SEMA5A: variants seen among roughly 807,000 people sequenced by gnomAD.
SEMA5A encodes semaphorin 5A.
In SEMA5A, 55 loss-of-function variants were observed where a neutral mutation model predicts 135.5. The observed-to-expected ratio is 0.41, with a 90% CI of 0.33 to 0.51. The LOEUF (loss-of-function observed/expected upper bound fraction) is 0.51. SEMA5A is among the 20% of genes least tolerant of loss of function. The pLI is 0.37. For missense variants in SEMA5A, 1,290 were observed against 1,419.9 expected (o/e 0.91, Z 1.47); for synonymous variants, 580 against 546.5 (o/e 1.06, Z -0.85).
rs745477086 is a variant in SEMA5A at position 9,204,065 on chromosome 5, C to A, written c.647-1825G>T. On this transcript the variant is annotated intron_variant, in intron 8 of 22. Coordinates refer to ENST00000382496, the MANE Select transcript of SEMA5A (RefSeq NM_003966.3). The surrounding 1 kb of genome is among the most constrained non-coding windows in gnomAD (Gnocchi z 6.4). ...AGGCCCCAAAAGCAAAGATACGGAA[C>A]AATTTCAAAACCATGTGTAAAGAAA... 5.9e-5 allele frequency among the ~76,000 whole-genome samples: 9 copies of A among 152,082 alleles called. No homozygotes were observed. The highest frequency in any genetic ancestry group is 2.1e-4 in the South Asian group (1 of 4,826).
Position 9,350,962 on chromosome 5 carries a change from C to A in SEMA5A, c.125-13150G>T. Among the ~76,000 whole-genome samples, 2 of 152,224 alleles carry A rather than the reference C, an allele frequency of 1.3e-5. 1 individual carries two copies. The highest frequency in any genetic ancestry group is 4.1e-4 in the South Asian group (2 of 4,830). Reference sequence around the variant, plus strand: ...TGACAGTGGTACTGGAGACCACCAACTCAAAGCTTCTCCCTCTTGTGATGA... The same window carrying A: ...TGACAGTGGTACTGGAGACCACCAAATCAAAGCTTCTCCCTCTTGTGATGA... On this transcript the variant is annotated intron_variant, in intron 3 of 22. Transcript: ENST00000382496.
chr5:9,513,256 G>A (rs1221014747), intron 1 of SEMA5A, among the ~76,000 whole-genome samples: 4 of 151,626 alleles, frequency 2.6e-5, no homozygotes, highest in African/African-American at 7.3e-5. Flanking sequence ...AATTCATTCC[G>A]ATAATAGTAT....
intron 21 of SEMA5A, 64 bp from the exon 22 acceptor site, chr5:9,044,648 C>G (rs953595652): frequency 7.4e-7 from 1 of 1,359,718 alleles, no homozygotes; most frequent in African/African-American, 1.4e-5. Context: ...CTACTCAAAG[C>G]ACTAGGATGA....
chr5:9,151,213 A>G (rs2150251829), intron 12 of SEMA5A, among the ~76,000 whole-genome samples: 1 of 152,352 alleles, frequency 6.6e-6, no homozygotes, highest in Non-Finnish European at 1.5e-5. Flanking sequence ...TATCATTTAT[A>G]CACATTTTAA....
chr5:9,080,492 T>C (rs896356859), intron 16 of SEMA5A, among the ~76,000 whole-genome samples: 2 of 151,348 alleles, frequency 1.3e-5, no homozygotes, highest in African/African-American at 4.9e-5. Flanking sequence ...TGTATACCTA[T>C]GTAACAAAAC....
intron 3 of SEMA5A, among the ~76,000 whole-genome samples, chr5:9,371,847 G>A (rs954636789): frequency 2.6e-5 from 4 of 152,270 alleles, no homozygotes; most frequent in South Asian, 4.1e-4. Context: ...CTTGGTTTAT[G>A]TAAATTTTAG....
chr5:9,517,793 G>A (rs570768543), intron 1 of SEMA5A: 3 of 152,190 alleles, frequency 2.0e-5, no homozygotes, highest in South Asian at 2.1e-4. Flanking sequence ...CCTTACCAAT[G>A]AGCCGACCCT....
intron 3 of SEMA5A, among the ~76,000 whole-genome samples, chr5:9,355,663 T>C (rs537753585): frequency 5.3e-5 from 8 of 152,154 alleles, no homozygotes; most frequent in African/African-American, 1.9e-4. Flanking sequence ...GTCCTGGAGC[T>C]CAGAGGGGCT....
chr5:9,480,596 A>T (rs1317425464), intron 1 of SEMA5A, among the ~76,000 whole-genome samples: 5 of 152,168 alleles, frequency 3.3e-5, no homozygotes, highest in Admixed American at 3.3e-4. Flanking sequence ...AACCAGGAAA[A>T]TTGTACCTCA....
chr5:9,142,418 G>A (rs1280247124), intron 12 of SEMA5A, among the ~76,000 whole-genome samples: 1 of 152,180 alleles, frequency 6.6e-6, no homozygotes, highest in Non-Finnish European at 1.5e-5. Flanking sequence ...GAAATGGGCA[G>A]AGTCCTTGGG....
chr5:9,360,908 A>G (rs1487243019), intron 3 of SEMA5A, among the ~76,000 whole-genome samples: 2 of 152,246 alleles, frequency 1.3e-5, no homozygotes, highest in Non-Finnish European at 2.9e-5. Flanking sequence ...GTTCTTTAAC[A>G]GCAAAGGATT....
At chr5:9,410,405 C>T (rs532172010) in intron 2 of SEMA5A, among the ~76,000 whole-genome samples, 20 of 152,254 alleles carry the variant, frequency 1.3e-4, no homozygotes, top group East Asian at 3.9e-4. Flanking sequence ...TGTTTTACTG[C>T]GTGACTTCCC....
chr5:9,379,644 T>A (rs1329052191), intron 3 of SEMA5A, among the ~76,000 whole-genome samples, 179 bp downstream of exon 3: 3 of 152,206 alleles, frequency 2.0e-5, no homozygotes, highest in African/African-American at 7.2e-5. Flanking sequence ...GGTAATCAGT[T>A]TCTGGATATG....
At chr5:9,490,264 AGAG>A (rs2126798285) in intron 1 of SEMA5A, among the ~76,000 whole-genome samples, 1 of 152,312 alleles carries the variant, frequency 6.6e-6, no homozygotes, top group African/African-American at 2.4e-5. Context: ...CTAACACAGC[AGAG>A]GAGAAAACCA....
intron 14 of SEMA5A, 45 bp downstream of exon 14, chr5:9,122,611 A>T (rs1235794344): frequency 4.9e-6 from 7 of 1,427,362 alleles, no homozygotes; most frequent in Non-Finnish European, 6.5e-6. Flanking sequence ...CGAGAATCTG[A>T]GTTTAATACA....
At chr5:9,471,976 T>C (rs1209650081) in intron 1 of SEMA5A, among the ~76,000 whole-genome samples, 1 of 152,254 alleles carries the variant, frequency 6.6e-6, no homozygotes, top group African/African-American at 2.4e-5. Flanking sequence ...AGATCTATAA[T>C]GCAAATTATT....
At chr5:9,205,946 G>A (rs1404106266) in intron 8 of SEMA5A, among the ~76,000 whole-genome samples, 4 of 152,168 alleles carry the variant, frequency 2.6e-5, no homozygotes, top group African/African-American at 9.7e-5. Flanking sequence ...GGGAATAATT[G>A]TAAGACAGAC....
intron 8 of SEMA5A, among the ~76,000 whole-genome samples, chr5:9,208,232 A>C (rs554145201): frequency 1.4e-4 from 21 of 152,336 alleles, no homozygotes; most frequent in Admixed American, 1.2e-3. Flanking sequence ...GTAATTAATA[A>C]GATAACTCAT....
intron 8 of SEMA5A, among the ~76,000 whole-genome samples, chr5:9,215,439 C>T (rs1746565420): frequency 1.3e-5 from 2 of 152,116 alleles, no homozygotes; most frequent in South Asian, 4.1e-4. Flanking sequence ...CAGATATAAT[C>T]AAGTTAAGAT....
Sources: gnomAD v4.1 joint callset for allele counts (sites outside exome capture counted in the v4.1 genomes callset) on GRCh38, gnomAD v4.1.1 for gene constraint, Gnocchi (gnomAD v3.1) non-coding constraint, MANE v1.5 for transcripts, NCBI Gene and HGNC (gene_info 2026-07-23, HGNC 2026-07-21) for gene names.